BMPER: variants seen among roughly 807,000 people sequenced by gnomAD.
BMPER encodes BMP-binding endothelial regulator protein.
Under a neutral mutation model 87.3 loss-of-function variants are expected in BMPER, and 45 were observed. That is an observed-to-expected ratio of 0.52 (90% CI 0.41 to 0.66). The LOEUF is 0.66. Among genes scored for constraint, BMPER ranks in the 30% least tolerant of loss-of-function variants. BMPER has a pLI of 0.00. For missense variants in BMPER, 784 were observed against 867.5 expected (o/e 0.90, Z 1.21); for synonymous variants, 326 against 316.2 (o/e 1.03, Z -0.33).
intron 3 of BMPER, among the ~76,000 whole-genome samples, chr7:33,957,634 T>C (rs1035402794): frequency 2.0e-5 from 3 of 152,166 alleles, no homozygotes; most frequent in African/African-American, 7.2e-5. Flanking sequence ...ATAAGCTTTG[T>C]AGATTGCACA....
chr7:34,063,028 A>G (rs1285908788), intron 11 of BMPER, among the ~76,000 whole-genome samples: 1 of 152,212 alleles, frequency 6.6e-6, no homozygotes, highest in Non-Finnish European at 1.5e-5. Flanking sequence ...ATGTAGACAC[A>G]TGCCTAGATC....
chr7:34,012,059 C>T (rs748244543), intron 6 of BMPER, among the ~76,000 whole-genome samples: 5 of 151,746 alleles, frequency 3.3e-5, no homozygotes, highest in Non-Finnish European at 7.4e-5. Context: ...TGGTAAGGGG[C>T]ATAGAAACTT....
chr7:34,124,996 TA>T (rs945492865), intron 13 of BMPER, among the ~76,000 whole-genome samples: 195 of 145,294 alleles, frequency 1.3e-3, no homozygotes, highest in East Asian at 2.0e-3. Context: ...CTTGCATTCC[TA>T]AAAAAAAAAA....
intron 8 of BMPER, 86 bp downstream of exon 8, chr7:34,052,056 G>A (rs1470774534): frequency 1.7e-6 from 2 of 1,204,210 alleles, no homozygotes; most frequent in Middle Eastern, 2.3e-4. Flanking sequence ...AAAGCCAATG[G>A]TGTGTTATTT....
At chr7:33,956,113 A>G (rs1458169667) in intron 3 of BMPER, among the ~76,000 whole-genome samples, 2 of 152,226 alleles carry the variant, frequency 1.3e-5, no homozygotes, top group African/African-American at 2.4e-5. Context: ...TAAATGTGAA[A>G]TGGAAAACTG....
rs751549257 is a variant in BMPER, at chr7:33,970,356, C to G, written c.430C>G (p.Arg144Gly). The change falls in exon 5 of 15, where the codon CGC becomes GGC. Residue 144 changes from arginine (R) to glycine (G), a missense_variant. Coordinates refer to ENST00000649409, the MANE Select transcript of BMPER (RefSeq NM_001365308.1). ...QEGVVTESGVRCVVHCKNPLE... is the reference protein window; with the variant it reads ...QEGVVTESGVGCVVHCKNPLE... ...GGGCGTTGTCACAGAGTCTGGGGTG[C>G]GCTGTGTTGTTCATTGTAAAAACCC... The G allele has an allele frequency of 6.2e-7, 1 of 1,614,056 alleles. No individual in the cohort carries two copies. Among genetic ancestry groups the G allele is most frequent in the Non-Finnish European group, 8.5e-7 (1 of 1,179,982 alleles).
At chr7:33,964,169 A>T (rs1329511150) in intron 3 of BMPER, among the ~76,000 whole-genome samples, 2 of 152,198 alleles carry the variant, frequency 1.3e-5, no homozygotes, top group Non-Finnish European at 2.9e-5. Flanking sequence ...GTAAACCCAA[A>T]GAGTGATGAG....
At chr7:34,020,859 AACACACAC>A (rs61345180) in intron 6 of BMPER, among the ~76,000 whole-genome samples, 10,522 of 146,808 alleles carry the variant, frequency 0.072, 366 homozygotes, top group Middle Eastern at 0.11. Context: ...TGAATTTCTT[AACACACAC>A]ACACACACAC....
intron 6 of BMPER, among the ~76,000 whole-genome samples, chr7:34,024,357 CAAAA>C (rs1169634357): frequency 2.1e-4 from 1 of 4,654 alleles, no homozygotes; most frequent in Non-Finnish European, 3.3e-4. Flanking sequence ...AACTCTGTCT[CAAAA>C]AAAAAAAAAA....
At chr7:33,945,149 G>A (rs547642418) in intron 3 of BMPER, among the ~76,000 whole-genome samples, 1 of 151,930 alleles carries the variant, frequency 6.6e-6, no homozygotes, top group East Asian at 1.9e-4. Context: ...CACCGTGTTA[G>A]CCAGGATCGT....
intron 6 of BMPER, among the ~76,000 whole-genome samples, chr7:34,006,936 C>T (rs746566071): frequency 6.6e-6 from 1 of 152,080 alleles, no homozygotes; most frequent in South Asian, 2.1e-4. Context: ...GGCTAAATGT[C>T]TCTCATTCAC....
intron 2 of BMPER, among the ~76,000 whole-genome samples, chr7:33,933,000 T>C (rs935206869): frequency 6.6e-6 from 1 of 152,134 alleles, no homozygotes; most frequent in Admixed American, 6.6e-5. Flanking sequence ...CTCCCAAGGC[T>C]CTGGCAGTCT....
At chr7:33,930,661 A>C (rs1784460665) in intron 2 of BMPER, among the ~76,000 whole-genome samples, 1 of 152,124 alleles carries the variant, frequency 6.6e-6, no homozygotes, top group Non-Finnish European at 1.5e-5. Context: ...ATGAAATCTC[A>C]CTGGGTTCAG....
At chr7:34,151,532 C>A (rs1326645008) in intron 14 of BMPER, among the ~76,000 whole-genome samples, 2 of 152,106 alleles carry the variant, frequency 1.3e-5, no homozygotes, top group African/African-American at 2.4e-5. Context: ...GAGTGTGAGC[C>A]AGGTGTAGGA....
intron 13 of BMPER, among the ~76,000 whole-genome samples, chr7:34,089,400 T>C (rs144459496): frequency 1.3e-5 from 2 of 152,324 alleles, no homozygotes; most frequent in East Asian, 3.9e-4. Flanking sequence ...AATTATGAGA[T>C]AATGCTTCTT....
intron 2 of BMPER, among the ~76,000 whole-genome samples, chr7:33,929,703 G>A (rs1296247801): frequency 2.6e-5 from 4 of 152,300 alleles, no homozygotes; most frequent in South Asian, 2.1e-4. Context: ...TGGGTGAGCC[G>A]TTTAACCTCT....
intron 13 of BMPER, among the ~76,000 whole-genome samples, chr7:34,129,550 CAGAA>C (rs1302564361): frequency 7.3e-5 from 9 of 123,590 alleles, no homozygotes; most frequent in African/African-American, 2.2e-4. Flanking sequence ...AAAAAAGAGA[CAGAA>C]AGAAAAGGAA....
chr7:34,006,365 G>A (rs1304665504), intron 6 of BMPER, among the ~76,000 whole-genome samples: 6 of 151,994 alleles, frequency 3.9e-5, no homozygotes, highest in African/African-American at 1.4e-4. Context: ...AGGTTTTACT[G>A]TGTATTAGTG....
At chr7:34,093,300 T>C (rs1037631732) in intron 13 of BMPER, among the ~76,000 whole-genome samples, 9 of 152,222 alleles carry the variant, frequency 5.9e-5, no homozygotes, top group Non-Finnish European at 1.2e-4. Context: ...CCCAAGCCTT[T>C]GGTGTTCAGA....
Sources: allele counts gnomAD v4.1 joint callset (sites outside exome capture counted in the v4.1 genomes callset), GRCh38; gene constraint gnomAD v4.1.1; transcripts MANE v1.5; gene names NCBI Gene and HGNC (gene_info 2026-07-23, HGNC 2026-07-21).